TRPM6: variants seen among roughly 807,000 people sequenced by gnomAD.
TRPM6 encodes the protein channel kinase 2.
Under a neutral mutation model 247.6 loss-of-function variants are expected in TRPM6, and 111 were observed. The observed-to-expected ratio is 0.45, with a 90% confidence interval of 0.38 to 0.52. TRPM6 has a LOEUF of 0.52. Ranked by LOEUF, TRPM6 falls within the 20% of genes least tolerant of loss-of-function variation. The pLI is 0.00. For synonymous variants in TRPM6, 892 were observed against 853.8 expected, an observed-to-expected ratio of 1.04 and a Z score of -0.78; for missense variants, 2,126 against 2,421.5, an observed-to-expected ratio of 0.88 and a Z score of 2.56.
In TRPM6 at chr9:74,800,298, T is replaced by C; in HGVS notation, c.2194A>G (p.Met732Val). 6.2e-7 allele frequency: 1 copy of C among 1,614,188 alleles called. No individual in the cohort carries two copies. The highest frequency in any genetic ancestry group is 8.5e-7 in the Non-Finnish European group (1 of 1,180,034). The change falls in exon 17 of 39, where the codon ATG becomes GTG. Residue 732 changes from methionine (M) to valine (V), a missense_variant. Met to Val is a conservative substitution (Grantham distance 21, BLOSUM62 1). Transcript: ENST00000360774. Reference sequence around the variant, plus strand: ...CTCATTTTCAGCCTCCCCATCCACATGTCTGTCAGTAGCATCTGGGTACAA... The same window carrying C: ...CTCATTTTCAGCCTCCCCATCCACACGTCTGTCAGTAGCATCTGGGTACAA... Reference protein sequence around the residue: ...HTCTQMLLTDMWMGRLKMRKN... With the variant: ...HTCTQMLLTDVWMGRLKMRKN...
Position 74,791,598 on chromosome 9 carries a change from A to G in TRPM6, c.2538+1026T>C, listed in dbSNP as rs142791305. 8.9e-3 allele frequency among the ~76,000 whole-genome samples: 1,350 copies of G among 152,046 alleles called. 22 individuals are homozygous for G. Among genetic ancestry groups the G allele is most frequent in the African/African-American group, 0.029 (1,217 of 41,300 alleles). ...TGCTTTCTCTGTAGCTCTACTATCCATAATAGATTTAGTATTTGTTCACAC... is the reference window on the plus strand; with the variant it reads ...TGCTTTCTCTGTAGCTCTACTATCCGTAATAGATTTAGTATTTGTTCACAC... On this transcript the variant is annotated intron_variant, in intron 19 of 38. Coordinates refer to ENST00000360774, the MANE Select transcript of TRPM6 (RefSeq NM_017662.5).
At chr9:74,851,590 A>G (rs529702641) in intron 3 of TRPM6, among the ~76,000 whole-genome samples, 1 of 151,774 alleles carries the variant, frequency 6.6e-6, no homozygotes, top group Admixed American at 6.6e-5. Context: ...TCTGCTAAAA[A>G]TACAACAAAT....
rs376446697 is a variant in TRPM6 at position 74,785,679 on chromosome 9, T to C, written c.2919+195A>G. 3.7e-3 allele frequency among the ~76,000 whole-genome samples: 563 copies of C among 152,212 alleles called. 4 individuals carry two copies. The highest frequency in any genetic ancestry group is 6.0e-3 in the South Asian group (29 of 4,822). Reference sequence around the variant, plus strand: ...CTGGGACTACAGGTGCCCACCACCATGCCCGGCTAATTTTTTTGTATTTTT... The same window carrying C: ...CTGGGACTACAGGTGCCCACCACCACGCCCGGCTAATTTTTTTGTATTTTT... On this transcript the variant is annotated intron_variant, in intron 21 of 38. Coordinates refer to ENST00000360774, the MANE Select transcript of TRPM6 (RefSeq NM_017662.5).
intron 2 of TRPM6, among the ~76,000 whole-genome samples, chr9:74,857,972 C>G (rs1830578016): frequency 6.6e-6 from 1 of 152,144 alleles, no homozygotes; most frequent in African/African-American, 2.4e-5. Flanking sequence ...GGATGTAACA[C>G]TAGATATTTC....
chr9:74,762,319 C>T lies in TRPM6; in HGVS notation c.4352G>A (p.Gly1451Glu). Residue 1451 changes from glycine (G) to glutamate (E), a missense_variant, in exon 26 of 39, where the codon GGA (glycine) becomes GAA (glutamate). Physicochemically the swap from Gly to Glu is moderately conservative, Grantham distance 98. Transcript: ENST00000360774. ...TTCTGAAAATGCCCAGTTTACATAT[C>T]CACCTCCAGTTTGCATGATCTTGGC... ...SQAKIMQTGG[G>E]YVNWAFSEGD... 6.2e-7 allele frequency: 1 copy of T among 1,614,240 alleles called. No individual in the cohort carries two copies. Among genetic ancestry groups the T allele is most frequent in the Non-Finnish European group, 8.5e-7 (1 of 1,180,054 alleles).
At chr9:74,739,572 C>A in intron 34 of TRPM6, 123 bp from the exon 35 acceptor site, 2 of 1,500,802 alleles carry the variant, frequency 1.3e-6, no homozygotes, top group Non-Finnish European at 1.9e-6. Flanking sequence ...CTGCCTGCCC[C>A]AAAAGCAAAA....
At chr9:74,808,534 G>C (rs1828616044) in intron 13 of TRPM6, among the ~76,000 whole-genome samples, 1 of 151,986 alleles carries the variant, frequency 6.6e-6, no homozygotes, top group Admixed American at 6.6e-5. Flanking sequence ...TTCCTAATTG[G>C]AAGAGAAAAA....
At chr9:74,857,854 C>T (rs1276141577) in intron 2 of TRPM6, 2 of 152,096 alleles carry the variant, frequency 1.3e-5, no homozygotes, top group South Asian at 2.1e-4. Flanking sequence ...TTAAATATAC[C>T]AGTCACTATT....
Position 74,887,512 on chromosome 9 carries a change from G to T in TRPM6, c.33+312C>A. ...CTCCTCTCCCGGGGTGTTTCCCACCGCCCCGAGCTGAACCCCCGACCCCCG... is the reference window on the plus strand; with the variant it reads ...CTCCTCTCCCGGGGTGTTTCCCACCTCCCCGAGCTGAACCCCCGACCCCCG... On this transcript the variant is annotated intron_variant, in intron 1 of 38. Transcript: ENST00000360774. 3 of 1,077,230 alleles carry T rather than the reference G, an allele frequency of 2.8e-6. No homozygotes were observed. The South Asian group carries it at 4.2e-5, about 15-fold the overall frequency. The allele number at this position is 1,077,230 out of a possible 1,614,324, so 66.7% of individuals were successfully genotyped here.
intron 3 of TRPM6, 24 bp from the exon 4 acceptor site, chr9:74,842,367 A>C (rs1829972486): frequency 4.3e-6 from 7 of 1,613,310 alleles, no homozygotes; most frequent in Non-Finnish European, 5.9e-6. Context: ...CCAAAAAAAA[A>C]CTCAACTTCA....
chr9:74,852,410 C>T (rs1041784151), intron 3 of TRPM6, among the ~76,000 whole-genome samples: 3 of 150,152 alleles, frequency 2.0e-5, no homozygotes, highest in East Asian at 4.0e-4. Flanking sequence ...AAAAGTGTCC[C>T]GCTCCCGCTC....
rs1200571484 is a variant in TRPM6 at position 74,747,917 on chromosome 9, G to T, written c.5058-3C>A. The T allele has an allele frequency of 1.9e-6, 3 of 1,609,170 alleles. No homozygotes were observed. The highest frequency in any genetic ancestry group is 2.5e-6 in the Non-Finnish European group (3 of 1,177,092). ...CAACTCCAATTGAACTTTTCAGCCT[G>T]TTTGAAAAAAAAATGAAGTTGTTTA... On this transcript the variant is annotated splice_region_variant and splice_polypyrimidine_tract_variant and intron_variant, in intron 30 of 38. Transcript: ENST00000360774.
At position 74,828,094 on chromosome 9, in the gene TRPM6, C is replaced by G. The variant is rs1017195993; in HGVS notation, c.670-145G>C. The G allele has an allele frequency of 1.6e-5, 13 of 838,702 alleles. No individual in the cohort carries two copies. In the African/African-American group the frequency reaches 2.2e-4, roughly 14 times the overall value. 52.0% of individuals were successfully genotyped at this position (838,702 alleles called of 1,614,324 possible). The stretch of plus-strand genomic sequence containing the variant: ...TGCGGCCAGGCATGGTGGCTCATGC[C>G]TGTAATCCCAGCACTTTGGGAAGCC... On this transcript the variant is annotated intron_variant, in intron 6 of 38. Coordinates refer to ENST00000360774, the MANE Select transcript of TRPM6 (RefSeq NM_017662.5).
chr9:74,837,359 C>T (rs1009711993), intron 5 of TRPM6, among the ~76,000 whole-genome samples: 5 of 152,206 alleles, frequency 3.3e-5, no homozygotes, highest in Middle Eastern at 3.2e-3. Flanking sequence ...GATGCTGATG[C>T]TGCTGGTCCA....
intron 29 of TRPM6, among the ~76,000 whole-genome samples, chr9:74,750,926 T>C (rs1202330640): frequency 4.6e-5 from 7 of 152,198 alleles, no homozygotes; most frequent in Non-Finnish European, 8.8e-5. Context: ...AGTGTGTTGA[T>C]GGACTTTAAC....
chr9:74,806,209 G>A (rs1033297996), intron 14 of TRPM6, among the ~76,000 whole-genome samples: 3 of 151,568 alleles, frequency 2.0e-5, no homozygotes, highest in African/African-American at 7.3e-5. Flanking sequence ...CTCTATTTTT[G>A]TATGTTTAAA....
intron 1 of TRPM6, among the ~76,000 whole-genome samples, chr9:74,884,504 TATACATACATACATAC>T (rs4013871): frequency 1.2e-4 from 18 of 148,100 alleles, no homozygotes; most frequent in African/African-American, 3.7e-4. Context: ...TAAATACATA[TATACATACATACATAC>T]ATACATACAT....
intron 5 of TRPM6, among the ~76,000 whole-genome samples, chr9:74,838,032 G>A (rs1829789876): frequency 6.6e-6 from 1 of 152,176 alleles, no homozygotes; most frequent in Non-Finnish European, 1.5e-5. Flanking sequence ...TTATAGGCAT[G>A]AACCACTGTA....
intron 32 of TRPM6, 75 bp from the exon 33 acceptor site, chr9:74,742,701 T>A: frequency 8.3e-7 from 1 of 1,204,444 alleles, no homozygotes; most frequent in Non-Finnish European, 1.2e-6. Context: ...TCCACATCAA[T>A]ATATTCATAT....
Sources: gnomAD v4.1 joint callset for allele counts (sites outside exome capture counted in the v4.1 genomes callset) on GRCh38, gnomAD v4.1.1 for gene constraint, MANE v1.5 for transcripts, NCBI Gene and HGNC (gene_info 2026-07-23, HGNC 2026-07-21) for gene names.